XAF1: variants seen among roughly 807,000 people sequenced by gnomAD.
The protein encoded by XAF1 is XIAP associated factor 1.
Under a neutral mutation model 32.3 loss-of-function variants are expected in XAF1, and 32 were observed. The ratio of observed to expected loss-of-function variants is 0.99; its 90% CI spans 0.75 to 1.33. XAF1 has a LOEUF of 1.33. Among genes scored for constraint, XAF1 ranks in the 40% most tolerant of loss-of-function variants. The probability of loss-of-function intolerance (pLI) is 0.00; values close to 1 mark genes in which losing one functional copy is unlikely to be tolerated. For synonymous variants in XAF1, 120 were observed against 125.9 expected, an observed-to-expected ratio of 0.95 and a Z score of 0.31; for missense variants, 379 against 366.0, an observed-to-expected ratio of 1.04 and a Z score of -0.29.
At chr17:6,759,894 C>G (rs1975043560) in intron 3 of XAF1, 176 bp downstream of exon 3, 1 of 1,068,406 alleles carries the variant, frequency 9.4e-7, no homozygotes, top group Admixed American at 2.4e-5. Flanking sequence ...TCTCCTGTCC[C>G]CCAGATACTG....
intron 4 of XAF1, chr17:6,761,877 T>A: frequency 6.9e-7 from 1 of 1,446,636 alleles, no homozygotes; most frequent in Non-Finnish European, 9.2e-7. Flanking sequence ...GCTCCATTCA[T>A]CTCCTTAGAA....
At chr17:6,755,792 G>T, upstream of XAF1, 1 of 1,246,458 alleles carries the variant, frequency 8.0e-7, no homozygotes, top group Non-Finnish European at 1.0e-6. Context: ...ACAAGCTGCT[G>T]TGCTGCCCAG....
intron 1 of XAF1, among the ~76,000 whole-genome samples, chr17:6,756,464 G>C (rs1232771607): frequency 6.6e-6 from 1 of 151,926 alleles, no homozygotes; most frequent in East Asian, 1.9e-4. Flanking sequence ...ACACCCATCT[G>C]TGAAAGAAAG....
In XAF1 at chr17:6,772,959, C is replaced by T. The variant is rs80048502; in HGVS notation, c.850-154C>T. ...TGTCGCAAGCCTCCTATACTTCTGG[C>T]TCAGTGGGCTCCTGACCTTTTCTAT... On this transcript the variant is annotated intron_variant, in intron 6 of 6. Coordinates refer to ENST00000361842, the MANE Select transcript of XAF1 (RefSeq NM_017523.5). 149 of 615,180 alleles carry T rather than the reference C, an allele frequency of 2.4e-4. No homozygotes were observed. The East Asian group carries it at 4.9e-3, about 20-fold the overall frequency. 38.1% of individuals were successfully genotyped at this position (615,180 alleles called of 1,614,324 possible).
intron 3 of XAF1, 159 bp downstream of exon 3, chr17:6,759,877 C>T (rs1295972933): frequency 1.6e-6 from 2 of 1,233,844 alleles, no homozygotes; most frequent in African/African-American, 1.5e-5. Context: ...CACCGCATAA[C>T]ACAGGTTCTC....
chr17:6,755,533 T>C (rs1974600749), upstream of XAF1: 5 of 993,194 alleles, frequency 5.0e-6, no homozygotes, highest in African/African-American at 1.7e-5. Context: ...ACACACCAGA[T>C]TGGGTCTGGG....
chr17:6,761,803 G>T (rs1975224540), intron 4 of XAF1: 2 of 1,310,392 alleles, frequency 1.5e-6, no homozygotes, highest in African/African-American at 3.0e-5. Flanking sequence ...TGATCACAGA[G>T]TCTGAAAACT....
At chr17:6,760,286 T>C in intron 3 of XAF1, 120 bp from the exon 4 acceptor site, 1 of 959,888 alleles carries the variant, frequency 1.0e-6, no homozygotes, top group Non-Finnish European at 1.5e-6. Flanking sequence ...AGGCGGAGGT[T>C]GCAGTGAGCC....
Position 6,770,866 on chromosome 17 carries a change from T to C in XAF1, c.731T>C (p.Met244Thr). The C allele has an allele frequency of 6.2e-7, 1 of 1,614,112 alleles. No homozygotes were observed. Among genetic ancestry groups the C allele is most frequent in the African/African-American group, 1.3e-5 (1 of 75,038 alleles). Reference sequence around the variant, plus strand: ...AACAAAACCTTGGATCCACTTTTGATGTCAGAGCCCAAGCCCAGGACCAGC... The same window carrying C: ...AACAAAACCTTGGATCCACTTTTGACGTCAGAGCCCAAGCCCAGGACCAGC... ...SKNKTLDPLLMSEPKPRTSSP... is the reference protein window; with the variant it reads ...SKNKTLDPLLTSEPKPRTSSP... The change falls in exon 6 of 7, where the codon ATG (methionine) becomes ACG (threonine). Residue 244 changes from methionine (M) to threonine (T), a missense_variant. Coordinates refer to ENST00000361842, the MANE Select transcript of XAF1 (RefSeq NM_017523.5).
intron 6 of XAF1, among the ~76,000 whole-genome samples, chr17:6,772,535 A>C (rs1976123239): frequency 8.1e-6 from 1 of 122,714 alleles, no homozygotes; most frequent in African/African-American, 3.3e-5. Flanking sequence ...CAGTGGTGGG[A>C]TCTCGGCTCA....
intron 4 of XAF1, among the ~76,000 whole-genome samples, chr17:6,761,417 T>C (rs1246603259): frequency 1.3e-5 from 2 of 152,218 alleles, no homozygotes; most frequent in African/African-American, 4.8e-5. Context: ...GGCCTATGTA[T>C]TGGCTCCCTG....
At chr17:6,760,911 T>C (rs1975152209) in intron 4 of XAF1, among the ~76,000 whole-genome samples, 1 of 151,990 alleles carries the variant, frequency 6.6e-6, no homozygotes, top group African/African-American at 2.4e-5. Context: ...TCCCAGCACT[T>C]TGGGAGGCTG....
At chr17:6,756,526 C>T (rs1455190220) in intron 1 of XAF1, among the ~76,000 whole-genome samples, 5 of 142,878 alleles carry the variant, frequency 3.5e-5, no homozygotes, top group African/African-American at 5.1e-5. Flanking sequence ...GAAAGGGAGC[C>T]GTGGGGCGGG....
intron 5 of XAF1, among the ~76,000 whole-genome samples, chr17:6,766,536 C>G (rs952341023): frequency 6.6e-6 from 1 of 152,206 alleles, no homozygotes. Flanking sequence ...ACACACACCT[C>G]CAAAGTTCTT....
At chr17:6,764,996 G>A (rs939735812) in intron 5 of XAF1, among the ~76,000 whole-genome samples, 1 of 152,104 alleles carries the variant, frequency 6.6e-6, no homozygotes, top group African/African-American at 2.4e-5. Context: ...GGACATTGGT[G>A]GTCTCTCATT....
At position 6,773,126 on chromosome 17, in the gene XAF1, G is replaced by A; in HGVS notation, c.863G>A (p.Trp288Ter). 1 of 1,606,250 alleles carries A rather than the reference G, an allele frequency of 6.2e-7. No individual in the cohort carries two copies. Among genetic ancestry groups the A allele is most frequent in the Non-Finnish European group, 8.5e-7 (1 of 1,177,702 alleles). Residue 288 changes from tryptophan to a stop codon, truncating the protein, a stop_gained, in exon 7 of 7, where the codon TGG (tryptophan) becomes TAG (stop). Coordinates refer to ENST00000361842, the MANE Select transcript of XAF1 (RefSeq NM_017523.5). LOFTEE classifies it high-confidence loss of function. Reference sequence around the variant, plus strand: ...TCCATTTCTTAGGAGAAATGCCGGTGGTTAGCTTCATCAAAAGGAAAACAA... The same window carrying A: ...TCCATTTCTTAGGAGAAATGCCGGTAGTTAGCTTCATCAAAAGGAAAACAA... ...ILNQHQEKCR[W>*]LASSKGKQVR...
chr17:6,758,376 C>A, intron 2 of XAF1, 152 bp downstream of exon 2: 1 of 1,156,524 alleles, frequency 8.6e-7, no homozygotes, highest in Non-Finnish European at 1.2e-6. Context: ...GTGTTCAGTC[C>A]TCTCTGCAGG....
upstream of XAF1, chr17:6,755,546 C>T: frequency 1.0e-6 from 1 of 998,330 alleles, no homozygotes; most frequent in Admixed American, 5.2e-5. Context: ...GGTCTGGGCT[C>T]ACACCACCCT....
At position 6,771,003 on chromosome 17, in the gene XAF1, C is replaced by T. The variant is rs1975996366; in HGVS notation, c.849+19C>T. 1 of 1,612,216 alleles carries T rather than the reference C, an allele frequency of 6.2e-7. No individual in the cohort carries two copies. The highest frequency in any genetic ancestry group is 1.7e-5 in the Admixed American group (1 of 59,836). On this transcript the variant is annotated intron_variant, in intron 6 of 6. Coordinates refer to ENST00000361842, the MANE Select transcript of XAF1 (RefSeq NM_017523.5). ...ACATCAGGTACTCAGCCTCTGTTCT[C>T]TGCTTACCTTTCTGGGAACCATCCG...
Sources: allele counts gnomAD v4.1 joint callset (sites outside exome capture counted in the v4.1 genomes callset), GRCh38; gene constraint gnomAD v4.1.1; transcripts MANE v1.5; gene names NCBI Gene and HGNC (gene_info 2026-07-23, HGNC 2026-07-21).